The following P4HA1 variants were observed in gnomAD, a reference collection of about 807,000 sequenced individuals.
P4HA1 encodes the protein prolyl 4-hydroxylase subunit alpha-1.
Under a neutral mutation model 72.8 loss-of-function variants are expected in P4HA1, and 24 were observed. That is an observed-to-expected ratio of 0.33 (90% CI 0.24 to 0.46). The LOEUF is 0.46. Ranked by LOEUF, P4HA1 falls within the 20% of genes least tolerant of loss-of-function variation. The probability of loss-of-function intolerance (pLI) is 1.00; values close to 1 mark genes in which losing one functional copy is unlikely to be tolerated. For missense variants in P4HA1, 446 were observed against 640.6 expected (o/e 0.70, Z 3.28); for synonymous variants, 201 against 218.8 (o/e 0.92, Z 0.72).
Position 73,091,684 on chromosome 10 carries a change from A to G in P4HA1, c.-33+5082T>C, listed in dbSNP as rs1024094367. The stretch of plus-strand genomic sequence containing the variant: ...CTTGTATGATAGTTCTCGGCTATTC[A>G]TTCTTGGGTTTTACTGAAGTTCCAA... On this transcript the variant is annotated intron_variant, in intron 1 of 14. Transcript: ENST00000394890. 5.9e-5 allele frequency among the ~76,000 whole-genome samples: 9 copies of G among 152,116 alleles called. No individual in the cohort carries two copies. In the South Asian group the frequency reaches 1.4e-3, roughly 25 times the overall value.
At chr10:73,057,266 A>T (rs1331791881) in intron 5 of P4HA1, among the ~76,000 whole-genome samples, 1 of 151,602 alleles carries the variant, frequency 6.6e-6, no homozygotes, top group Admixed American at 6.6e-5. Context: ...CGAAGCAGGC[A>T]GATCATGAGG....
chr10:73,038,983 T>G (rs1254801381), intron 9 of P4HA1, among the ~76,000 whole-genome samples: 1 of 152,166 alleles, frequency 6.6e-6, no homozygotes, highest in Non-Finnish European at 1.5e-5. Context: ...GTTAACAGAT[T>G]GTCAGTAACA....
At chr10:73,073,700 CAG>C (rs768904200) in intron 3 of P4HA1, 29 bp downstream of exon 3, 3 of 967,438 alleles carry the variant, frequency 3.1e-6, no homozygotes, top group African/African-American at 3.2e-5. Context: ...CAGGTTGAGT[CAG>C]AGTCATAATA....
intron 5 of P4HA1, among the ~76,000 whole-genome samples, chr10:73,063,820 T>G (rs1299938886): frequency 6.6e-6 from 1 of 152,166 alleles, no homozygotes; most frequent in Admixed American, 6.6e-5. Flanking sequence ...TACTGATCTA[T>G]TAACAATATT....
chr10:73,072,017 C>T lies in P4HA1; in HGVS notation c.325+12G>A, dbSNP rs1841575782. 1 of 1,596,732 alleles carries T rather than the reference C, an allele frequency of 6.3e-7. No individual in the cohort carries two copies. Among genetic ancestry groups the T allele is most frequent in the African/African-American group, 1.3e-5 (1 of 74,648 alleles). ...GCAATATTACCTTACTCAGGAATCT[C>T]TTCAGACTTACCATCTGACATATCC... is the stretch of plus-strand genomic sequence containing the variant. On this transcript the variant is annotated intron_variant, in intron 4 of 14. Transcript: ENST00000394890.
chr10:73,076,966 CA>C (rs1451722007), intron 1 of P4HA1, among the ~76,000 whole-genome samples: 4 of 152,212 alleles, frequency 2.6e-5, no homozygotes, highest in Non-Finnish European at 4.4e-5. Context: ...CAGATCACCA[CA>C]AAAACTGGAA....
At chr10:73,095,396 A>T (rs946698297) in intron 1 of P4HA1, among the ~76,000 whole-genome samples, 1 of 152,014 alleles carries the variant, frequency 6.6e-6, no homozygotes, top group Non-Finnish European at 1.5e-5. Context: ...AATGTTTTTT[A>T]AATTAACTTC....
chr10:73,035,241 A>G (rs1840542190), intron 9 of P4HA1, among the ~76,000 whole-genome samples: 1 of 152,078 alleles, frequency 6.6e-6, no homozygotes, highest in Admixed American at 6.6e-5. Context: ...CTTTTAGAAA[A>G]AAAAAAAAAA....
intron 5 of P4HA1, among the ~76,000 whole-genome samples, chr10:73,061,142 G>A (rs190091985): frequency 1.7e-4 from 26 of 152,306 alleles, no homozygotes; most frequent in Non-Finnish European, 3.4e-4. Flanking sequence ...TATATGGAGG[G>A]ATCAGGCTCT....
At chr10:73,073,709 A>C in intron 3 of P4HA1, 22 bp downstream of exon 3, 1 of 1,072,134 alleles carries the variant, frequency 9.3e-7, no homozygotes, top group Non-Finnish European at 1.5e-6. Flanking sequence ...TCAGAGTCAT[A>C]ATAAGCAAAC....
chr10:73,012,464 G>C (rs1839927381), intron 12 of P4HA1, among the ~76,000 whole-genome samples: 2 of 152,102 alleles, frequency 1.3e-5, no homozygotes. Context: ...CCCTCTCCTG[G>C]TTTTCCCTTT....
In P4HA1 at chr10:73,064,852, G is replaced by T. The variant is rs72812266; in HGVS notation, c.463+3994C>A. On this transcript the variant is annotated intron_variant, in intron 5 of 14. Transcript: ENST00000394890. ...GAGACTCCATGTCAAAAAAGAAAAA[G>T]AAATCGATTTTTATGGTTCATCCGT... 9.0e-3 allele frequency among the ~76,000 whole-genome samples: 1,370 copies of T among 152,230 alleles called. 16 individuals carry two copies. Among genetic ancestry groups the T allele is most frequent in the Non-Finnish European group, 0.016 (1,072 of 68,000 alleles).
chr10:73,045,167 C>T, intron 8 of P4HA1, 116 bp from the exon 9 acceptor site: 1 of 726,406 alleles, frequency 1.4e-6, no homozygotes, highest in Non-Finnish European at 2.3e-6. Context: ...GAAAATAACT[C>T]CATACACTTC....
At chr10:73,094,969 A>G (rs572037788) in intron 1 of P4HA1, among the ~76,000 whole-genome samples, 201 of 152,248 alleles carry the variant, frequency 1.3e-3, no homozygotes, top group Non-Finnish European at 2.1e-3. Flanking sequence ...AATAAAACTC[A>G]TTTCAAAATG....
intron 10 of P4HA1, among the ~76,000 whole-genome samples, chr10:73,028,328 AC>A (rs1840342536): frequency 1.3e-5 from 2 of 150,350 alleles, no homozygotes; most frequent in African/African-American, 5.0e-5. Context: ...ACACACACAC[AC>A]ACACACACAC....
intron 10 of P4HA1, 106 bp from the exon 11 acceptor site, chr10:73,017,005 T>C: frequency 1.4e-6 from 1 of 719,804 alleles, no homozygotes; most frequent in Non-Finnish European, 2.3e-6. Flanking sequence ...TGGTCAGGTA[T>C]TTACAGAGAA....
intron 10 of P4HA1, among the ~76,000 whole-genome samples, chr10:73,027,635 CA>C (rs1840311635): frequency 6.4e-5 from 3 of 46,872 alleles, no homozygotes; most frequent in African/African-American, 2.7e-4. Context: ...AGAAGGGAGT[CA>C]GGGAGGGGGA....
chr10:73,051,028 C>A (rs1360975481), intron 7 of P4HA1, 25 bp downstream of exon 7: 1 of 1,554,008 alleles, frequency 6.4e-7, no homozygotes, highest in Admixed American at 1.7e-5. Context: ...CATTCACATA[C>A]ACACAATTGG....
chr10:73,023,089 G>A (rs1840175156), intron 10 of P4HA1, among the ~76,000 whole-genome samples: 1 of 152,130 alleles, frequency 6.6e-6, no homozygotes, highest in Middle Eastern at 3.2e-3. Context: ...AATTATCCAG[G>A]AGAATTTCCC....
Sources: gnomAD v4.1 joint callset for allele counts (sites outside exome capture counted in the v4.1 genomes callset) on GRCh38, gnomAD v4.1.1 for gene constraint, MANE v1.5 for transcripts, NCBI Gene and HGNC (gene_info 2026-07-23, HGNC 2026-07-21) for gene names.